Variants in LOXL1 observed in about 807,000 individuals in gnomAD.
LOXL1 encodes lysyl oxidase homolog 1.
A neutral mutation model predicts 62.2 loss-of-function variants in LOXL1; 31 were observed. That is an observed-to-expected ratio of 0.50 (90% confidence interval 0.37 to 0.67). LOXL1 has a LOEUF of 0.67. LOXL1 is among the 30% of genes least tolerant of loss of function. The pLI, the probability that LOXL1 is intolerant of heterozygous loss-of-function variation, is 0.00. For missense variants in LOXL1, 775 were observed against 843.4 expected (o/e 0.92, Z 1.00); for synonymous variants, 403 against 384.4 (o/e 1.05, Z -0.56).
chr15:73,946,234 G>A (rs2068745955), intron 2 of LOXL1, 183 bp from the exon 3 acceptor site: 2 of 585,940 alleles, frequency 3.4e-6, no homozygotes, highest in African/African-American at 1.9e-5. Context: ...GGGGTCAGAA[G>A]ACAGAGGAAG....
intron 6 of LOXL1, 98 bp downstream of exon 6, chr15:73,949,672 C>A: frequency 2.5e-6 from 2 of 809,144 alleles, no homozygotes; most frequent in South Asian, 1.4e-5. Context: ...CACTTTAGGT[C>A]ACCTTGATGG....
rs769885384 is a variant in LOXL1, at chr15:73,927,370, G to C, written c.587G>C (p.Arg196Pro). The change falls in exon 1 of 7, where the codon CGG becomes CCG. Residue 196 changes from arginine to proline, a missense_variant. Coordinates refer to ENST00000261921, the MANE Select transcript of LOXL1 (RefSeq NM_005576.4). ...TACGAGAACTACGACCCCGCGTCGC[G>C]GACCTACGACCAGGGTTTCGTGTAC... ...SQYENYDPAS[R>P]TYDQGFVYYR... 15 of 1,587,472 alleles carry C rather than the reference G, an allele frequency of 9.4e-6. No individual in the cohort carries two copies. Among genetic ancestry groups the C allele is most frequent in the Non-Finnish European group, 1.2e-5 (14 of 1,168,280 alleles).
chr15:73,949,724 C>A, intron 6 of LOXL1, 150 bp downstream of exon 6: 1 of 637,416 alleles, frequency 1.6e-6, no homozygotes, highest in Non-Finnish European at 2.8e-6. Context: ...AGAGCCTTGT[C>A]CGTGCCAACC....
intron 1 of LOXL1, among the ~76,000 whole-genome samples, chr15:73,939,347 G>A (rs1042026876): frequency 6.6e-6 from 1 of 152,096 alleles, no homozygotes; most frequent in Non-Finnish European, 1.5e-5. Flanking sequence ...AGGCGGGGGG[G>A]CCTGGCCTGA....
chr15:73,928,158 G>C (rs955690427), intron 1 of LOXL1: 1 of 374,270 alleles, frequency 2.7e-6, no homozygotes, highest in Non-Finnish European at 4.7e-6. Context: ...GGGACTAGCC[G>C]AGCTTTGGGA....
Position 73,927,826 on chromosome 15 carries a change from G to C in LOXL1, c.1043G>C (p.Gly348Ala). Residue 348 changes from glycine to alanine, a missense_variant, in exon 1 of 7, where the codon GGC becomes GCC. Transcript: ENST00000261921. ...DTPPPGGERN[G>A]AQQGRLSVGS... ...CCCCCGCCGGGTGGGGAGCGGAACG[G>C]CGCGCAGCAGGGCCGCCTCAGCGTG... is the stretch of plus-strand genomic sequence containing the variant. 1.5e-6 allele frequency: 2 copies of C among 1,356,668 alleles called. No individual in the cohort carries two copies. The highest frequency in any genetic ancestry group is 1.9e-6 in the Non-Finnish European group (2 of 1,063,486). The allele number at this position is 1,356,668 out of a possible 1,614,324, so 84.0% of individuals were successfully genotyped here.
chr15:73,927,607 C>A lies in LOXL1; in HGVS notation c.824C>A (p.Ser275Ter). Residue 275 changes from serine to a stop codon, truncating the protein, a stop_gained, in exon 1 of 7, where the codon TCG becomes TAG. Transcript: ENST00000261921. LOFTEE classifies it high-confidence loss of function. ...PPPDGLDRRYSHSLYSEGTPG... is the reference protein window; with the variant it reads ...PPPDGLDRRY ...CCCGACGGCCTGGACCGCCGCTACTCGCACAGTCTGTACAGCGAGGGCACC... is the reference window on the plus strand; with the variant it reads ...CCCGACGGCCTGGACCGCCGCTACTAGCACAGTCTGTACAGCGAGGGCACC... 6.7e-7 allele frequency: 1 copy of A among 1,501,030 alleles called. No individual in the cohort carries two copies. Among genetic ancestry groups the A allele is most frequent in the Non-Finnish European group, 8.8e-7 (1 of 1,131,912 alleles). The allele number at this position is 1,501,030 out of a possible 1,614,324, so 93.0% of individuals were successfully genotyped here. A position where few individuals can be genotyped will look rare whatever the true frequency, so the allele number is the denominator to read the frequency against.
At chr15:73,948,031 G>C (rs1874602232) in intron 5 of LOXL1, 129 bp downstream of exon 5, 2 of 622,498 alleles carry the variant, frequency 3.2e-6, no homozygotes, top group South Asian at 2.3e-5. Context: ...GGCAGCATCT[G>C]AGGCATCACT....
chr15:73,930,613 C>T lies in LOXL1; in HGVS notation c.1102+2728C>T, dbSNP rs556369609. On this transcript the variant is annotated intron_variant, in intron 1 of 6. Transcript: ENST00000261921. The surrounding 1 kb of genome is among the most constrained non-coding windows in gnomAD (Gnocchi z 4.7). Reference sequence around the variant, plus strand: ...ACACACCCAGGGGTCTGAGGCTGGGCGCTGGCAGCCTGTGAGTGTGTGTGG... The same window carrying T: ...ACACACCCAGGGGTCTGAGGCTGGGTGCTGGCAGCCTGTGAGTGTGTGTGG... Among the ~76,000 whole-genome samples, 4 of 152,276 alleles carry T rather than the reference C, an allele frequency of 2.6e-5. No homozygotes were observed. The highest frequency in any genetic ancestry group is 6.5e-5 in the Admixed American group (1 of 15,306).
chr15:73,941,429 T>C (rs1313551114), intron 1 of LOXL1, among the ~76,000 whole-genome samples: 1 of 152,166 alleles, frequency 6.6e-6, no homozygotes, highest in Non-Finnish European at 1.5e-5. Flanking sequence ...CTTCTGCCGA[T>C]GGCTTAGAAG....
intron 1 of LOXL1, among the ~76,000 whole-genome samples, chr15:73,933,943 A>G (rs1190314795): frequency 1.3e-5 from 2 of 152,336 alleles, no homozygotes; most frequent in East Asian, 3.9e-4. Context: ...ACTCATGATC[A>G]CAGGGTGAGG....
In LOXL1 at chr15:73,946,450, T is replaced by C. The variant is rs374610244; in HGVS notation, c.1245T>C (p.Asp415=). 9 of 1,609,332 alleles carry C rather than the reference T, an allele frequency of 5.6e-6. No homozygotes were observed. Among genetic ancestry groups the C allele is most frequent in the African/African-American group, 2.7e-5 (2 of 74,558 alleles). The change falls in exon 3 of 7, where the codon GAT becomes GAC. Residue 415 remains aspartate, a synonymous_variant. Transcript: ENST00000261921. ...TAYAPEATDY[D]VRVLLRFPQR... ...ATGCCCCTGAGGCCACCGACTACGA[T>C]GTGCGGGTGCTACTGCGCTTCCCCC... is the stretch of plus-strand genomic sequence containing the variant.
intron 1 of LOXL1, among the ~76,000 whole-genome samples, chr15:73,933,090 C>T (rs1022070563): frequency 2.6e-5 from 4 of 152,226 alleles, no homozygotes; most frequent in Non-Finnish European, 4.4e-5. Flanking sequence ...AGAGACAGCT[C>T]CTGTTTTCAA....
intron 1 of LOXL1, among the ~76,000 whole-genome samples, chr15:73,929,826 G>T (rs1431042236): frequency 6.6e-6 from 1 of 152,220 alleles, no homozygotes; most frequent in Non-Finnish European, 1.5e-5. Flanking sequence ...CCCCACCTCT[G>T]GGCAGAGAAA....
rs2068791856 is a variant in LOXL1, at chr15:73,952,039, G to A, written c.*202G>A. On this transcript the variant is annotated 3_prime_UTR_variant, in exon 7 of 7. Coordinates refer to ENST00000261921, the MANE Select transcript of LOXL1 (RefSeq NM_005576.4). ...ATTTTATACTTCACTTTTCTCTACAGTGTTGTTTTGTTGTTGTTGGTTTTT... is the reference window on the plus strand; with the variant it reads ...ATTTTATACTTCACTTTTCTCTACAATGTTGTTTTGTTGTTGTTGGTTTTT... 8 of 410,646 alleles carry A rather than the reference G, an allele frequency of 1.9e-5. No individual in the cohort carries two copies. Among genetic ancestry groups the A allele is most frequent in the Non-Finnish European group, 3.0e-5 (7 of 233,394 alleles). The allele number at this position is 410,646 out of a possible 1,614,324, so 25.4% of individuals were successfully genotyped here.
At position 73,928,744 on chromosome 15, in the gene LOXL1, A is replaced by G. The variant is rs184061945; in HGVS notation, c.1102+859A>G. Among the ~76,000 whole-genome samples the G allele has an allele frequency of 5.8e-4, 88 of 151,758 alleles. No individual in the cohort carries two copies. In the East Asian group the frequency reaches 0.013, roughly 22 times the overall value. On this transcript the variant is annotated intron_variant, in intron 1 of 6. Coordinates refer to ENST00000261921, the MANE Select transcript of LOXL1 (RefSeq NM_005576.4). ...AACACGGATCCTGTCTTTATTTGATATTTGGATATTTTGTTCATTACAGAT... is the reference window on the plus strand; with the variant it reads ...AACACGGATCCTGTCTTTATTTGATGTTTGGATATTTTGTTCATTACAGAT...
chr15:73,927,769 C>T lies in LOXL1; in HGVS notation c.986C>T (p.Pro329Leu). The change falls in exon 1 of 7, where the codon CCG (proline) becomes CTG (leucine). Residue 329 changes from proline to leucine, a missense_variant. Transcript: ENST00000261921. ...TACGGGCCGCCGCGCGCGCTGGAGC[C>T]GCCCTACCTGCCGGTGCGCAGCTCC... ...EAYGPPRALEPPYLPVRSSDT... is the reference protein window; with the variant it reads ...EAYGPPRALELPYLPVRSSDT... 1 of 1,438,420 alleles carries T rather than the reference C, an allele frequency of 7.0e-7. No homozygotes were observed. Among genetic ancestry groups the T allele is most frequent in the Non-Finnish European group, 9.1e-7 (1 of 1,101,972 alleles). 89.1% of individuals were successfully genotyped at this position (1,438,420 alleles called of 1,614,324 possible). A position where few individuals can be genotyped will look rare whatever the true frequency, so the allele number is the denominator to read the frequency against.
Position 73,927,744 on chromosome 15 carries a change from T to A in LOXL1, c.961T>A (p.Tyr321Asn). ...CTACGCCAACCCGCCGCCCGAGGCGTACGGGCCGCCGCGCGCGCTGGAGCC... is the reference window on the plus strand; with the variant it reads ...CTACGCCAACCCGCCGCCCGAGGCGAACGGGCCGCCGCGCGCGCTGGAGCC... ...PPYANPPPEA[Y>N]GPPRALEPPY... Residue 321 changes from tyrosine (Y) to asparagine (N), a missense_variant, in exon 1 of 7, where the codon TAC becomes AAC. Tyr to Asn is a moderately radical substitution (Grantham distance 143). Coordinates refer to ENST00000261921, the MANE Select transcript of LOXL1 (RefSeq NM_005576.4). 1 of 1,455,576 alleles carries A rather than the reference T, an allele frequency of 6.9e-7. No homozygotes were observed. The highest frequency in any genetic ancestry group is 9.0e-7 in the Non-Finnish European group (1 of 1,110,376). The allele number at this position is 1,455,576 out of a possible 1,614,324, so 90.2% of individuals were successfully genotyped here.
chr15:73,929,452 G>A (rs188454253), intron 1 of LOXL1, among the ~76,000 whole-genome samples: 44 of 152,358 alleles, frequency 2.9e-4, no homozygotes, highest in Admixed American at 7.2e-4. Flanking sequence ...CTCATGGGGT[G>A]CCTGTCTCCC....
Sources: gnomAD v4.1 joint callset for allele counts (sites outside exome capture counted in the v4.1 genomes callset) on GRCh38, gnomAD v4.1.1 for gene constraint, Gnocchi (gnomAD v3.1) non-coding constraint, MANE v1.5 for transcripts, NCBI Gene and HGNC (gene_info 2026-07-23, HGNC 2026-07-21) for gene names.